Variants in IL1RAPL2 observed in about 807,000 individuals in gnomAD.
IL1RAPL2 encodes the protein interleukin 1 receptor accessory protein like 2, also known as X-linked interleukin-1 receptor accessory protein-like 2.
A neutral mutation model predicts 44.1 loss-of-function variants in IL1RAPL2; 3 were observed. The ratio of observed to expected loss-of-function variants is 0.07; its 90% CI spans 0.03 to 0.18. The LOEUF (loss-of-function observed/expected upper bound fraction) is 0.18, where lower values mean the gene tolerates loss of function less well. Ranked by LOEUF, IL1RAPL2 falls within the 10% of genes least tolerant of loss-of-function variation. The pLI is 1.00. For synonymous variants in IL1RAPL2, 181 were observed against 178.8 expected (o/e 1.01, Z -0.10); for missense variants, 391 against 496.4 (o/e 0.79, Z 2.02).
intron 2 of IL1RAPL2, among the ~76,000 whole-genome samples, chrX:105,076,980 G>T (rs771268193): frequency 9.0e-6 from 1 of 111,090 alleles, no homozygotes; most frequent in Non-Finnish European, 1.9e-5. Context: ...ACACTGATGG[G>T]TCTTGACTCT....
intron 5 of IL1RAPL2, among the ~76,000 whole-genome samples, chrX:105,276,461 C>A (rs2034487087): frequency 8.9e-6 from 1 of 112,147 alleles, no homozygotes; most frequent in Non-Finnish European, 1.9e-5. Flanking sequence ...CCAGGCAGGT[C>A]ATGTCCACAG....
chrX:105,567,830 T>C (rs1199718026), intron 6 of IL1RAPL2, among the ~76,000 whole-genome samples: 2 of 110,764 alleles, frequency 1.8e-5, no homozygotes, highest in African/African-American at 3.3e-5. Context: ...TTGCAGGAAT[T>C]TTTGCTAAAT....
At chrX:105,241,731 C>G (rs1556208519) in intron 4 of IL1RAPL2, among the ~76,000 whole-genome samples, 2 of 111,731 alleles carry the variant, frequency 1.8e-5, no homozygotes, top group Non-Finnish European at 3.8e-5. Flanking sequence ...TTAAATTTAG[C>G]CAATATGTTC....
At chrX:105,717,600 T>C (rs1292622898) in intron 7 of IL1RAPL2, 104 bp downstream of exon 7, 7 of 789,633 alleles carry the variant, frequency 8.9e-6, no homozygotes, top group Non-Finnish European at 1.2e-5. Context: ...GCTGATCTTA[T>C]GGAGAGACCA....
At chrX:105,630,319 G>A (rs773391318) in intron 6 of IL1RAPL2, among the ~76,000 whole-genome samples, 5 of 111,030 alleles carry the variant, frequency 4.5e-5, no homozygotes, top group Non-Finnish European at 9.4e-5. Context: ...CACCCTACTA[G>A]GCACTGTATA....
At chrX:105,197,074 T>C (rs1603003014) in intron 3 of IL1RAPL2, among the ~76,000 whole-genome samples, 1 of 111,297 alleles carries the variant, frequency 9.0e-6, no homozygotes, top group African/African-American at 3.3e-5. Context: ...ATCACTTTTA[T>C]GTGTAGGGGA....
intron 2 of IL1RAPL2, among the ~76,000 whole-genome samples, chrX:105,083,245 G>C (rs1309102058): frequency 1.5e-5 from 1 of 68,170 alleles, no homozygotes; most frequent in Non-Finnish European, 2.9e-5. Context: ...AGAAGACAAG[G>C]CTAGAGAAAA....
chrX:105,428,811 G>A (rs1282230769), intron 5 of IL1RAPL2, among the ~76,000 whole-genome samples: 3 of 111,015 alleles, frequency 2.7e-5, no homozygotes, highest in Admixed American at 9.6e-5. Context: ...CATGCTTTAC[G>A]TAAAATGAGT....
intron 6 of IL1RAPL2, among the ~76,000 whole-genome samples, chrX:105,672,973 A>T (rs982291403): frequency 9.0e-5 from 10 of 110,855 alleles, no homozygotes; most frequent in Non-Finnish European, 1.7e-4. Flanking sequence ...CACAAAGAAG[A>T]CCCAGGGACC....
chrX:105,116,541 G>T (rs2147569476), intron 2 of IL1RAPL2, among the ~76,000 whole-genome samples: 1 of 105,153 alleles, frequency 9.5e-6, no homozygotes, highest in East Asian at 2.8e-4. Flanking sequence ...GTCAAGGGTT[G>T]AATTGGTAAA....
chrX:105,235,603 G>T (rs1350704945), intron 4 of IL1RAPL2, among the ~76,000 whole-genome samples: 12 of 111,375 alleles, frequency 1.1e-4, no homozygotes, highest in African/African-American at 2.9e-4. Context: ...GAACGTCCAG[G>T]TCTCAATGGG....
chrX:104,993,288 G>T (rs1285503795), intron 2 of IL1RAPL2, among the ~76,000 whole-genome samples: 2 of 111,261 alleles, frequency 1.8e-5, no homozygotes, highest in East Asian at 5.7e-4. Context: ...TTAATATTTT[G>T]CAAGTTCAGC....
chrX:105,606,477 T>C (rs1444497869), intron 6 of IL1RAPL2, among the ~76,000 whole-genome samples: 1 of 111,595 alleles, frequency 9.0e-6, no homozygotes, highest in African/African-American at 3.2e-5. Flanking sequence ...AAAGCCATTA[T>C]GGAGAACAGT....
intron 2 of IL1RAPL2, among the ~76,000 whole-genome samples, chrX:104,810,789 C>A (rs1405254429): frequency 8.9e-6 from 1 of 111,837 alleles, no homozygotes; most frequent in East Asian, 2.8e-4. Flanking sequence ...CTTCGGGTTT[C>A]TGATGAGAAA....
intron 2 of IL1RAPL2, among the ~76,000 whole-genome samples, chrX:104,668,603 A>G (rs1930532168): frequency 9.2e-6 from 1 of 108,708 alleles, no homozygotes; most frequent in Admixed American, 1.0e-4. Context: ...TTGAATTTAA[A>G]AAAAACTGAG....
chrX:104,801,107 T>A lies in IL1RAPL2; in HGVS notation c.82+142112T>A, dbSNP rs140757124. Among the ~76,000 whole-genome samples, 288 of 112,753 alleles carry A rather than the reference T, an allele frequency of 2.6e-3. 3 individuals are homozygous for A. The highest frequency in any genetic ancestry group is 0.024 in the Admixed American group (255 of 10,685). On this transcript the variant is annotated intron_variant, in intron 2 of 10. Transcript: ENST00000372582. ...AGTGTGTCTTCCTGAAGGACTTGGG[T>A]GCCTAAAGTGGAAAAATGCATTGTT...
intron 2 of IL1RAPL2, among the ~76,000 whole-genome samples, chrX:105,000,765 T>G (rs975141400): frequency 1.8e-5 from 2 of 111,883 alleles, no homozygotes; most frequent in African/African-American, 6.5e-5. Flanking sequence ...CTGAAAACAT[T>G]ACACTAGTCC....
chrX:104,764,897 G>A (rs1932531081), intron 2 of IL1RAPL2, among the ~76,000 whole-genome samples: 1 of 112,055 alleles, frequency 8.9e-6, no homozygotes, highest in Non-Finnish European at 1.9e-5. Flanking sequence ...GCATCCCAGG[G>A]ATAAATCCCA....
intron 2 of IL1RAPL2, among the ~76,000 whole-genome samples, chrX:104,885,293 C>T (rs1208711629): frequency 9.0e-6 from 1 of 111,150 alleles, no homozygotes; most frequent in Admixed American, 9.5e-5. Flanking sequence ...CCCACTGGGA[C>T]CTTGACTCAG....
Sources: allele counts gnomAD v4.1 joint callset (sites outside exome capture counted in the v4.1 genomes callset), GRCh38; gene constraint gnomAD v4.1.1; transcripts MANE v1.5; gene names NCBI Gene and HGNC (gene_info 2026-07-23, HGNC 2026-07-21).